The following CAMK1G variants were observed in gnomAD, a reference collection of about 807,000 sequenced individuals.
CAMK1G encodes the protein calcium/calmodulin dependent protein kinase IG.
A neutral mutation model predicts 54.8 loss-of-function variants in CAMK1G; 27 were observed. The observed-to-expected ratio is 0.49, with a 90% confidence interval of 0.36 to 0.68. The LOEUF (loss-of-function observed/expected upper bound fraction) is 0.68. Ranked by LOEUF, CAMK1G falls within the 30% of genes least tolerant of loss-of-function variation. The probability of loss-of-function intolerance (pLI) is 0.00; values close to 1 mark genes in which losing one functional copy is unlikely to be tolerated. For missense variants in CAMK1G, 512 were observed against 591.0 expected (o/e 0.87, Z 1.39); for synonymous variants, 238 against 224.9 (o/e 1.06, Z -0.52).
chr1:209,611,506 C>T lies in CAMK1G; in HGVS notation c.869C>T (p.Ser290Leu), dbSNP rs1326931098. The T allele has an allele frequency of 1.2e-6, 2 of 1,614,102 alleles. No individual in the cohort carries two copies. The highest frequency in any genetic ancestry group is 1.7e-6 in the Non-Finnish European group (2 of 1,180,044). The change falls in exon 10 of 13, where the codon TCA (serine) becomes TTA (leucine). Residue 290 changes from serine (S) to leucine (L), a missense_variant. Around this residue, in one of 3 missense-constraint regions of CAMK1G, gnomAD observed 315 missense variants for 330.5 expected, o/e 0.95. Transcript: ENST00000361322. ...GCCCTCCACCGGGACATCTACCCAT[C>T]AGTCAGCCTCCAGATCCAGAAGAAC... ...NTALHRDIYPSVSLQIQKNFA... is the reference protein window; with the variant it reads ...NTALHRDIYPLVSLQIQKNFA...
intron 1 of CAMK1G, among the ~76,000 whole-genome samples, chr1:209,591,127 T>C (rs1665237367): frequency 6.6e-6 from 1 of 152,034 alleles, no homozygotes; most frequent in African/African-American, 2.4e-5. Context: ...TCTCCACCAG[T>C]CAGGGTCCAT....
intron 3 of CAMK1G, among the ~76,000 whole-genome samples, chr1:209,600,439 G>T (rs141309917): frequency 6.6e-6 from 1 of 152,346 alleles, no homozygotes; most frequent in East Asian, 1.9e-4. Context: ...GGCAGCATAA[G>T]ATTTGGAAAT....
intron 2 of CAMK1G, among the ~76,000 whole-genome samples, chr1:209,596,659 CACCA>C (rs1265726355): frequency 1.2e-4 from 15 of 124,954 alleles, no homozygotes; most frequent in South Asian, 6.6e-4. Flanking sequence ...ATCACACACA[CACCA>C]CACACACACA....
chr1:209,597,589 G>C lies in CAMK1G; in HGVS notation c.93-2394G>C, dbSNP rs528374009. Among the ~76,000 whole-genome samples the C allele has an allele frequency of 8.1e-4, 123 of 152,330 alleles. 1 individual carries two copies. Among genetic ancestry groups the C allele is most frequent in the Admixed American group, 1.4e-3 (21 of 15,310 alleles). ...AATTTCCAGTGTCTAATACTCAGTAGGTGTTCAATAAATCTTGGTTGAAGG... is the reference window on the plus strand; with the variant it reads ...AATTTCCAGTGTCTAATACTCAGTACGTGTTCAATAAATCTTGGTTGAAGG... On this transcript the variant is annotated intron_variant, in intron 2 of 12. Coordinates refer to ENST00000361322, the MANE Select transcript of CAMK1G (RefSeq NM_020439.3).
intron 2 of CAMK1G, among the ~76,000 whole-genome samples, chr1:209,596,661 C>CCACA (rs55936082): frequency 0.071 from 10,475 of 148,060 alleles, 528 homozygotes; most frequent in Admixed American, 0.18. Flanking sequence ...CACACACACA[C>CCACA]CACACACACA....
chr1:209,593,290 G>A (rs1351838476), intron 1 of CAMK1G, among the ~76,000 whole-genome samples: 1 of 152,216 alleles, frequency 6.6e-6, no homozygotes, highest in Non-Finnish European at 1.5e-5. Context: ...AGACCCCATA[G>A]AGTCTACAAG....
At chr1:209,606,261 G>C in intron 5 of CAMK1G, 59 bp from the exon 6 acceptor site, 1 of 1,588,342 alleles carries the variant, frequency 6.3e-7, no homozygotes, top group Non-Finnish European at 8.6e-7. Context: ...GTATCAAGGG[G>C]AAGGAAAATA....
chr1:209,611,027 G>A (rs1286934248), intron 9 of CAMK1G, among the ~76,000 whole-genome samples: 2 of 152,158 alleles, frequency 1.3e-5, no homozygotes, highest in African/African-American at 4.8e-5. Context: ...AGTGCCCTGT[G>A]ATGCTGGGTC....
intron 8 of CAMK1G, 120 bp downstream of exon 8, chr1:209,609,212 A>G: frequency 8.8e-7 from 1 of 1,136,328 alleles, no homozygotes; most frequent in South Asian, 1.5e-5. Flanking sequence ...CTTACAGAAC[A>G]GGCTGCCAAG....
At chr1:209,586,765 T>C (rs904189890) in intron 1 of CAMK1G, among the ~76,000 whole-genome samples, 5 of 152,188 alleles carry the variant, frequency 3.3e-5, no homozygotes, top group African/African-American at 1.2e-4. Flanking sequence ...AGGCCCAATA[T>C]ACTTAGCAGC....
chr1:209,595,105 G>C, intron 2 of CAMK1G, 30 bp downstream of exon 2: 3 of 1,553,442 alleles, frequency 1.9e-6, no homozygotes, highest in Non-Finnish European at 2.7e-6. Context: ...GGTCGGGTGG[G>C]CTGGGCTGCC....
At chr1:209,601,300 G>C (rs1473149920) in intron 3 of CAMK1G, among the ~76,000 whole-genome samples, 2 of 152,200 alleles carry the variant, frequency 1.3e-5, no homozygotes, top group African/African-American at 4.8e-5. Flanking sequence ...GTTTCAAAGA[G>C]AGAAGTGATT....
chr1:209,587,354 T>C (rs963695342), intron 1 of CAMK1G, among the ~76,000 whole-genome samples: 4 of 152,092 alleles, frequency 2.6e-5, no homozygotes, highest in African/African-American at 9.7e-5. Flanking sequence ...CTAGTCTACA[T>C]TTTCCAAAGG....
chr1:209,585,705 CCCCTCTAAG>C (rs1202031793), intron 1 of CAMK1G, among the ~76,000 whole-genome samples: 3 of 152,328 alleles, frequency 2.0e-5, no homozygotes, highest in Non-Finnish European at 4.4e-5. Flanking sequence ...AAAAAGCATC[CCCCTCTAAG>C]AGGAGAGCGC....
chr1:209,595,121 T>C, intron 2 of CAMK1G, 46 bp downstream of exon 2: 1 of 1,377,426 alleles, frequency 7.3e-7, no homozygotes, highest in Non-Finnish European at 1.0e-6. Context: ...CTGCCTGCAG[T>C]GGGAGGTTAG....
At chr1:209,595,357 G>T (rs550117642) in intron 2 of CAMK1G, among the ~76,000 whole-genome samples, 1 of 152,140 alleles carries the variant, frequency 6.6e-6, no homozygotes, top group African/African-American at 2.4e-5. Context: ...AGGAGGCGGA[G>T]GTTGCAGTGA....
At chr1:209,606,226 A>G in intron 5 of CAMK1G, 94 bp from the exon 6 acceptor site, 3 of 1,511,558 alleles carry the variant, frequency 2.0e-6, no homozygotes, top group Non-Finnish European at 2.7e-6. Flanking sequence ...TCAGGAGCCC[A>G]GGGCTCATCT....
At chr1:209,607,291 G>T (rs952172144) in intron 6 of CAMK1G, among the ~76,000 whole-genome samples, 12 of 152,208 alleles carry the variant, frequency 7.9e-5, no homozygotes, top group African/African-American at 2.9e-4. Context: ...AGGAAGTCAT[G>T]GCTCATGCCC....
chr1:209,607,717 C>A (rs986139868), intron 6 of CAMK1G, 141 bp from the exon 7 acceptor site: 2 of 661,816 alleles, frequency 3.0e-6, no homozygotes, highest in Non-Finnish European at 5.4e-6. Flanking sequence ...AGCCCCTACC[C>A]TTAGGGAGTT....
Sources: gnomAD v4.1 joint callset for allele counts (sites outside exome capture counted in the v4.1 genomes callset) on GRCh38, gnomAD v4.1.1 for gene constraint, gnomAD v4.1.1 regional missense constraint, MANE v1.5 for transcripts, NCBI Gene and HGNC (gene_info 2026-07-23, HGNC 2026-07-21) for gene names.